AGGF1: variants seen among roughly 807,000 people sequenced by gnomAD.
The protein encoded by AGGF1 is angiogenic factor with G patch and FHA domains 1.
In AGGF1, 56 loss-of-function variants were observed where a neutral mutation model predicts 86.5. The observed-to-expected ratio is 0.65, with a 90% CI of 0.52 to 0.81. The LOEUF is 0.81. Ranked by LOEUF, AGGF1 falls within the 30% of genes least tolerant of loss-of-function variation. The probability of loss-of-function intolerance (pLI) is 0.00; values close to 1 mark genes in which losing one functional copy is unlikely to be tolerated. For synonymous variants in AGGF1, 313 were observed against 297.1 expected (o/e 1.05, Z -0.55); for missense variants, 816 against 850.9 (o/e 0.96, Z 0.51).
intron 5 of AGGF1, among the ~76,000 whole-genome samples, chr5:77,040,548 A>G (rs2150728715): frequency 6.6e-6 from 1 of 152,350 alleles, no homozygotes; most frequent in South Asian, 2.1e-4. Flanking sequence ...TTAAAAAAGT[A>G]TTATGTAGGC....
At chr5:77,031,897 C>G (rs915702066) in intron 1 of AGGF1, among the ~76,000 whole-genome samples, 2 of 152,090 alleles carry the variant, frequency 1.3e-5, no homozygotes, top group Admixed American at 6.5e-5. Flanking sequence ...GAGTGCAACT[C>G]TGTCTCAAAA....
intron 5 of AGGF1, among the ~76,000 whole-genome samples, chr5:77,041,256 G>T (rs1347718476): frequency 1.3e-5 from 2 of 152,092 alleles, no homozygotes; most frequent in African/African-American, 4.8e-5. Context: ...TGTTACTAGT[G>T]GTTTGATTGT....
intron 10 of AGGF1, among the ~76,000 whole-genome samples, chr5:77,054,622 A>C (rs919306700): frequency 1.3e-5 from 2 of 152,220 alleles, no homozygotes; most frequent in Admixed American, 1.3e-4. Context: ...TGAAGTAGTA[A>C]TGGGTATGTT....
Position 77,030,580 on chromosome 5 carries a change from C to T in AGGF1, c.-187C>T, listed in dbSNP as rs1248688002. 9.4e-6 allele frequency: 7 copies of T among 745,036 alleles called. No homozygotes were observed. The highest frequency in any genetic ancestry group is 2.0e-5 in the Admixed American group (1 of 49,810). The allele number at this position is 745,036 out of a possible 1,614,324, so 46.2% of individuals were successfully genotyped here. A position where few individuals can be genotyped will look rare whatever the true frequency, so the allele number is the denominator to read the frequency against. Reference sequence around the variant, plus strand: ...AGGGGCCATCCTCGGTCCCCTTGCTCGTTGCTCGCAGCCCCGTTCGGCTAC... The same window carrying T: ...AGGGGCCATCCTCGGTCCCCTTGCTTGTTGCTCGCAGCCCCGTTCGGCTAC... On this transcript the variant is annotated 5_prime_UTR_variant, in exon 1 of 14. Transcript: ENST00000312916.
rs376741117 is a variant in AGGF1, at chr5:77,061,748, G to A, written c.1890G>A (p.Met630Ile). 2.5e-5 allele frequency: 41 copies of A among 1,613,744 alleles called. No individual in the cohort carries two copies. Among genetic ancestry groups the A allele is most frequent in the Admixed American group, 1.2e-4 (7 of 59,984 alleles). Residue 630 changes from methionine (M) to isoleucine (I), a missense_variant, in exon 13 of 14, where the codon ATG (methionine) becomes ATA (isoleucine). Coordinates refer to ENST00000312916, the MANE Select transcript of AGGF1 (RefSeq NM_018046.5). ...AAGGTCGGAAGATGTTGGAGAAGAT[G>A]GGTTGGAAGAAAGGAGAGGGCCTGG... ...SNKGRKMLEK[M>I]GWKKGEGLGK...
intron 5 of AGGF1, among the ~76,000 whole-genome samples, chr5:77,043,213 C>T (rs1580128021): frequency 4.2e-5 from 2 of 47,170 alleles, no homozygotes; most frequent in East Asian, 7.1e-4. Flanking sequence ...CCGGACGGGG[C>T]GGCTGGCTGG....
intron 6 of AGGF1, among the ~76,000 whole-genome samples, chr5:77,047,213 A>AG (rs150368554): frequency 0.019 from 2,845 of 152,294 alleles, 97 homozygotes; most frequent in African/African-American, 0.065. Flanking sequence ...AGGGAAAAAA[A>AG]TGGATAGCTA....
rs142378882 is a variant in AGGF1 at position 77,046,818 on chromosome 5, G to A, written c.1201+141G>A. The A allele has an allele frequency of 2.1e-4, 183 of 860,126 alleles. 1 individual carries two copies. In the East Asian group the frequency reaches 3.9e-3, roughly 18 times the overall value. The allele number at this position is 860,126 out of a possible 1,614,324, so 53.3% of individuals were successfully genotyped here. ...AATGATGTTATTGAAAATGTTGTGGGTTGCCACTTGGTTATTCTTAGAGAG... is the reference window on the plus strand; with the variant it reads ...AATGATGTTATTGAAAATGTTGTGGATTGCCACTTGGTTATTCTTAGAGAG... On this transcript the variant is annotated intron_variant, in intron 6 of 13. Transcript: ENST00000312916.
intron 8 of AGGF1, among the ~76,000 whole-genome samples, chr5:77,051,616 C>A (rs903266604): frequency 6.6e-6 from 1 of 152,150 alleles, no homozygotes; most frequent in Non-Finnish European, 1.5e-5. Context: ...TGAATTGATA[C>A]AACCACTTTG....
rs757667336 is a variant in AGGF1 at position 77,048,161 on chromosome 5, A to G, written c.1202A>G (p.Asp401Gly). ...ATTTACTCACTTCTTTCCTTGGCAG[A>G]TGAAGACAAAATTTGGCCCCCATGT... ...NVTAEDSEDE[D>G]EDKIWPPCIR... Residue 401 changes from aspartate (D) to glycine (G), a missense_variant and splice_region_variant, in exon 7 of 14, where the codon GAT (aspartate) becomes GGT (glycine). Asp to Gly is a moderately conservative substitution (Grantham distance 94). This residue lies in a region of AGGF1 where 565 missense variants were observed against 585.8 expected (regional missense o/e 0.96). Coordinates refer to ENST00000312916, the MANE Select transcript of AGGF1 (RefSeq NM_018046.5). 3.7e-6 allele frequency: 6 copies of G among 1,600,082 alleles called. No homozygotes were observed. The highest frequency in any genetic ancestry group is 5.1e-6 in the Non-Finnish European group (6 of 1,167,904).
chr5:77,055,676 C>A (rs978988989), intron 11 of AGGF1, 80 bp downstream of exon 11: 2 of 934,924 alleles, frequency 2.1e-6, no homozygotes, highest in Admixed American at 2.2e-5. Flanking sequence ...ATGCTCAGTA[C>A]ATTTTATATA....
chr5:77,036,819 CTT>C (rs1473011919), intron 4 of AGGF1, 99 bp downstream of exon 4: 1 of 1,313,722 alleles, frequency 7.6e-7, no homozygotes, highest in African/African-American at 1.5e-5. Context: ...CTCACTGCAA[CTT>C]TCACCCCCCA....
At chr5:77,043,496 C>T (rs1386367114) in intron 5 of AGGF1, among the ~76,000 whole-genome samples, 24 of 137,230 alleles carry the variant, frequency 1.7e-4, no homozygotes, top group East Asian at 2.4e-4. Flanking sequence ...CTGACCCCCC[C>T]ACCTCCCTCC....
chr5:77,046,330 T>C lies in AGGF1; in HGVS notation c.871-17T>C. On this transcript the variant is annotated splice_polypyrimidine_tract_variant and intron_variant, in intron 5 of 13. Coordinates refer to ENST00000312916, the MANE Select transcript of AGGF1 (RefSeq NM_018046.5). ...GTATTCTCCCCTGTTCCCTCGTATC[T>C]ACCCACCCTTCTCCAGGATTTGAAC... 1 of 1,600,054 alleles carries C rather than the reference T, an allele frequency of 6.2e-7. No homozygotes were observed. Among genetic ancestry groups the C allele is most frequent in the Non-Finnish European group, 8.6e-7 (1 of 1,167,708 alleles).
At chr5:77,036,858 A>G in intron 4 of AGGF1, 138 bp downstream of exon 4, 1 of 933,852 alleles carries the variant, frequency 1.1e-6, no homozygotes, top group Admixed American at 2.0e-5. Context: ...ATGTCTCAGC[A>G]TCCCAAGTAG....
chr5:77,053,168 C>T (rs1393764837), intron 9 of AGGF1, among the ~76,000 whole-genome samples: 5 of 152,140 alleles, frequency 3.3e-5, no homozygotes, highest in Non-Finnish European at 1.5e-5. Flanking sequence ...AAAGCTATGT[C>T]TATTCAGTTA....
At chr5:77,051,199 T>C (rs764523652) in intron 8 of AGGF1, among the ~76,000 whole-genome samples, 1 of 152,074 alleles carries the variant, frequency 6.6e-6, no homozygotes, top group Non-Finnish European at 1.5e-5. Context: ...TTTGGGAGGC[T>C]AAGGTAGGCA....
chr5:77,048,688 G>C (rs1368519431), intron 7 of AGGF1, among the ~76,000 whole-genome samples: 1 of 152,160 alleles, frequency 6.6e-6, no homozygotes, highest in African/African-American at 2.4e-5. Flanking sequence ...TGGATACAAA[G>C]AGGACTAATG....
intron 8 of AGGF1, among the ~76,000 whole-genome samples, chr5:77,052,268 G>T (rs112054327): frequency 6.6e-6 from 1 of 152,022 alleles, no homozygotes; most frequent in South Asian, 2.1e-4. Context: ...TGGGAGGATC[G>T]CTTGAGCCCA....
Sources: allele counts gnomAD v4.1 joint callset (sites outside exome capture counted in the v4.1 genomes callset), GRCh38; gene constraint gnomAD v4.1.1; regional missense constraint gnomAD v4.1.1; transcripts MANE v1.5; gene names NCBI Gene and HGNC (gene_info 2026-07-23, HGNC 2026-07-21).